Variants in KHDRBS2 observed in about 807,000 individuals in gnomAD.
KHDRBS2 encodes KH RNA binding domain containing, signal transduction associated 2.
In KHDRBS2, 26 loss-of-function variants were observed where a neutral mutation model predicts 44.3. That is an observed-to-expected ratio of 0.59 (90% CI 0.43 to 0.81). The LOEUF (loss-of-function observed/expected upper bound fraction) is 0.81, where lower values mean the gene tolerates loss of function less well. Ranked by LOEUF, KHDRBS2 falls within the 40% of genes least tolerant of loss-of-function variation. KHDRBS2 has a pLI of 0.00. For synonymous variants in KHDRBS2, 194 were observed against 151.1 expected (o/e 1.28, Z -2.08); for missense variants, 476 against 433.1 (o/e 1.10, Z -0.88).
At chr6:62,048,121 TACACACACACAC>T (rs58133580) in intron 2 of KHDRBS2, 127 bp from the exon 3 acceptor site, 62 of 405,536 alleles carry the variant, frequency 1.5e-4, no homozygotes, top group Non-Finnish European at 2.3e-4. Context: ...GCCATAAACA[TACACACACACAC>T]ACACACACAC....
At chr6:61,722,522 T>C (rs1485982691) in intron 7 of KHDRBS2, among the ~76,000 whole-genome samples, 1 of 152,200 alleles carries the variant, frequency 6.6e-6, no homozygotes, top group Non-Finnish European at 1.5e-5. Flanking sequence ...TCACTTATGC[T>C]AACTAATCAG....
intron 7 of KHDRBS2, among the ~76,000 whole-genome samples, chr6:61,729,650 TAGTA>T (rs1385271903): frequency 5.4e-4 from 82 of 152,306 alleles, no homozygotes; most frequent in African/African-American, 1.9e-3. Context: ...ATCTGTGTAC[TAGTA>T]TCTAATTGTG....
chr6:62,157,377 G>A (rs1158344042), intron 2 of KHDRBS2, among the ~76,000 whole-genome samples: 1 of 152,018 alleles, frequency 6.6e-6, no homozygotes, highest in Non-Finnish European at 1.5e-5. Context: ...ATGCATGTTT[G>A]TGAAGGTTCA....
rs192508432 is a variant in KHDRBS2 at position 61,868,826 on chromosome 6, C to T, written c.810+25809G>A. On this transcript the variant is annotated intron_variant, in intron 6 of 8. Transcript: ENST00000281156. ...CCCCCTTCCAAGGGGTATTATGGAC[C>T]TCCGGGCTTGCCTGAGTTGCAGTCG... Among the ~76,000 whole-genome samples the T allele has an allele frequency of 1.3e-3, 201 of 152,262 alleles. 2 individuals carry two copies. The highest frequency in any genetic ancestry group is 5.2e-3 in the South Asian group (25 of 4,818).
chr6:61,749,235 G>A (rs916696675), intron 6 of KHDRBS2, among the ~76,000 whole-genome samples: 5 of 151,648 alleles, frequency 3.3e-5, no homozygotes, highest in Non-Finnish European at 2.9e-5. Context: ...GGATGATCTC[G>A]ATCTCCTGAC....
intron 6 of KHDRBS2, among the ~76,000 whole-genome samples, chr6:61,792,026 A>C (rs1784706363): frequency 6.7e-6 from 1 of 150,340 alleles, no homozygotes; most frequent in African/African-American, 2.4e-5. Context: ...CTTCTCTTTT[A>C]ATGTTTTGCT....
intron 6 of KHDRBS2, among the ~76,000 whole-genome samples, chr6:61,855,762 C>T (rs746036340): frequency 3.6e-4 from 55 of 152,022 alleles, no homozygotes; most frequent in Non-Finnish European, 3.7e-4. Flanking sequence ...GATAAATGTC[C>T]CAGTGTCTCT....
intron 6 of KHDRBS2, among the ~76,000 whole-genome samples, chr6:61,828,138 C>A (rs1022173547): frequency 2.0e-5 from 3 of 152,160 alleles, no homozygotes; most frequent in Non-Finnish European, 2.9e-5. Flanking sequence ...TTTGCCCAAG[C>A]CTTCTGGATT....
In KHDRBS2 at chr6:61,766,809, T is replaced by A. The variant is rs1304799586; in HGVS notation, c.811-34045A>T. On this transcript the variant is annotated intron_variant, in intron 6 of 8. Coordinates refer to ENST00000281156, the MANE Select transcript of KHDRBS2 (RefSeq NM_152688.4). ...GTTACCAATTTTTAGTTTTATTACATTGCGGTCAGAGATGATACTAGAATG... is the reference window on the plus strand; with the variant it reads ...GTTACCAATTTTTAGTTTTATTACAATGCGGTCAGAGATGATACTAGAATG... Among the ~76,000 whole-genome samples the A allele has an allele frequency of 2.0e-5, 3 of 152,248 alleles. No individual in the cohort carries two copies. In the East Asian group the frequency reaches 5.8e-4, roughly 29 times the overall value.
chr6:62,246,396 C>A (rs563202437), intron 1 of KHDRBS2, among the ~76,000 whole-genome samples: 1 of 152,076 alleles, frequency 6.6e-6, no homozygotes, highest in African/African-American at 2.4e-5. Flanking sequence ...ACATTCACTT[C>A]TCCTTTCTTT....
At chr6:61,551,588 C>T in the KHDRBS2 span, among the ~76,000 whole-genome samples, 2 of 152,126 alleles carry the variant, frequency 1.3e-5, no homozygotes, top group African/African-American at 4.8e-5. Context: ...ATATGGCTAG[C>T]CAGTTACCCA....
At chr6:61,655,051 G>A in the KHDRBS2 span, among the ~76,000 whole-genome samples, 2 of 151,652 alleles carry the variant, frequency 1.3e-5, no homozygotes, top group Non-Finnish European at 2.9e-5. Context: ...TCTCCCTCCC[G>A]CTAACTGAGC....
At chr6:61,856,164 AT>A (rs1380821894) in intron 6 of KHDRBS2, among the ~76,000 whole-genome samples, 2 of 151,980 alleles carry the variant, frequency 1.3e-5, no homozygotes, top group Non-Finnish European at 2.9e-5. Flanking sequence ...ATGTGCTTTC[AT>A]ACTCCATTTA....
At chr6:61,664,133 C>G in the KHDRBS2 span, among the ~76,000 whole-genome samples, 1 of 151,766 alleles carries the variant, frequency 6.6e-6, no homozygotes, top group Non-Finnish European at 1.5e-5. Context: ...ACCACACTTA[C>G]TGATCTTTCT....
chr6:61,825,445 T>C (rs1790684328), intron 6 of KHDRBS2, among the ~76,000 whole-genome samples: 1 of 152,172 alleles, frequency 6.6e-6, no homozygotes, highest in South Asian at 2.1e-4. Flanking sequence ...CTCTGACAAA[T>C]AGCACGCCAA....
chr6:61,663,765 C>T, the KHDRBS2 span, among the ~76,000 whole-genome samples: 1 of 151,176 alleles, frequency 6.6e-6, no homozygotes, highest in African/African-American at 2.4e-5. Context: ...TTATGTGCTA[C>T]TTTTACACCC....
intron 6 of KHDRBS2, among the ~76,000 whole-genome samples, chr6:61,743,677 A>T (rs900181511): frequency 1.3e-5 from 2 of 151,928 alleles, no homozygotes; most frequent in African/African-American, 4.8e-5. Flanking sequence ...CATGTGCACA[A>T]CGTGCAGGTT....
At chr6:61,548,839 C>A in the KHDRBS2 span, among the ~76,000 whole-genome samples, 15 of 152,180 alleles carry the variant, frequency 9.9e-5, no homozygotes, top group Admixed American at 9.8e-4. Flanking sequence ...TTAATATCAA[C>A]CTAGACCAGG....
chr6:62,026,089 G>A (rs1192461), intron 3 of KHDRBS2, among the ~76,000 whole-genome samples: 157 of 151,910 alleles, frequency 1.0e-3, no homozygotes, highest in Non-Finnish European at 1.6e-3. Context: ...CTTCAAGTTG[G>A]TTCCTGAGAA....
Sources: allele counts gnomAD v4.1 joint callset (sites outside exome capture counted in the v4.1 genomes callset), GRCh38; gene constraint gnomAD v4.1.1; transcripts MANE v1.5; gene names NCBI Gene and HGNC (gene_info 2026-07-23, HGNC 2026-07-21).